The following PTTG1IP2 variants were observed in gnomAD, a reference collection of about 807,000 sequenced individuals.
PTTG1IP2 encodes PTTG1IP family member 2.
At chr7:90,472,788 C>G (rs946009542) in intron 1 of PTTG1IP2, among the ~76,000 whole-genome samples, 4 of 152,192 alleles carry the variant, frequency 2.6e-5, no homozygotes, top group Non-Finnish European at 5.9e-5. Context: ...AGAGTGATTT[C>G]TATTTTCCTG....
chr7:90,470,963 C>CAAAAAAAAAAAAAAAAAAAAAAAAA (rs5885726), intron 1 of PTTG1IP2, among the ~76,000 whole-genome samples: 1 of 108,112 alleles, frequency 9.2e-6, no homozygotes, highest in Non-Finnish European at 2.0e-5. Flanking sequence ...TGATGAAGAA[C>CAAAAAAAAAAAAAAAAAAAAAAAAA]AAAAAAAAAA....
At chr7:90,475,795 C>T (rs951544335) in intron 1 of PTTG1IP2, among the ~76,000 whole-genome samples, 22 of 151,924 alleles carry the variant, frequency 1.4e-4, no homozygotes, top group African/African-American at 4.8e-4. Flanking sequence ...CCCATCTCTA[C>T]TAAAAATATA....
intron 6 of PTTG1IP2, among the ~76,000 whole-genome samples, chr7:90,508,708 G>A (rs1798153328): frequency 1.3e-5 from 2 of 152,170 alleles, no homozygotes; most frequent in South Asian, 4.1e-4. Flanking sequence ...ATCCCTTGAG[G>A]TAAATCCTAA....
intron 2 of PTTG1IP2, among the ~76,000 whole-genome samples, chr7:90,486,951 T>C (rs1797881700): frequency 6.6e-6 from 1 of 152,174 alleles, no homozygotes; most frequent in Admixed American, 6.5e-5. Context: ...GCCTGAATCA[T>C]GGGCAGCCCT....
At chr7:90,470,930 G>A (rs17874791) in intron 1 of PTTG1IP2, among the ~76,000 whole-genome samples, 2,354 of 140,232 alleles carry the variant, frequency 0.017, 42 homozygotes, top group Middle Eastern at 0.028. Context: ...AATTTTTCAC[G>A]TCTTAAGACT....
chr7:90,498,026 C>T (rs1050915301), intron 6 of PTTG1IP2, among the ~76,000 whole-genome samples: 1 of 150,408 alleles, frequency 6.6e-6, no homozygotes, highest in Non-Finnish European at 1.5e-5. Flanking sequence ...GATGAATGAA[C>T]CCCCCCTTTT....
chr7:90,470,569 G>A (rs754019910), intron 1 of PTTG1IP2, among the ~76,000 whole-genome samples: 7 of 152,298 alleles, frequency 4.6e-5, no homozygotes, highest in Middle Eastern at 6.8e-3. Context: ...AATAATTACT[G>A]CTGTCTGGTT....
intron 4 of PTTG1IP2, among the ~76,000 whole-genome samples, chr7:90,489,445 T>G (rs575589857): frequency 6.6e-6 from 1 of 151,986 alleles, no homozygotes; most frequent in Non-Finnish European, 1.5e-5. Context: ...CTAATATTTC[T>G]CCTGTTGACT....
intron 1 of PTTG1IP2, among the ~76,000 whole-genome samples, chr7:90,475,590 A>T (rs1381795325): frequency 6.6e-6 from 1 of 152,252 alleles, no homozygotes; most frequent in Non-Finnish European, 1.5e-5. Flanking sequence ...ACAAGAGTTC[A>T]TGCCAACATT....
At chr7:90,489,453 A>G (rs1797914654) in intron 4 of PTTG1IP2, among the ~76,000 whole-genome samples, 1 of 151,476 alleles carries the variant, frequency 6.6e-6, no homozygotes, top group African/African-American at 2.4e-5. Flanking sequence ...TCTCCTGTTG[A>G]CTTTGAGTAA....
At chr7:90,497,712 GTA>G (rs1491095018) in intron 6 of PTTG1IP2, among the ~76,000 whole-genome samples, 5,880 of 18,850 alleles carry the variant, frequency 0.31, 1,464 homozygotes, top group South Asian at 0.46. Flanking sequence ...GAAAGACCCT[GTA>G]TAAAAAAAAA....
In PTTG1IP2 at chr7:90,488,904, T is replaced by C. The variant is rs1390396649; in HGVS notation, c.320T>C (p.Ile107Thr). Residue 107 changes from isoleucine to threonine, a missense_variant, in exon 4 of 7, where the codon ATT becomes ACT. By Grantham distance (89) the Ile-to-Thr change is moderately conservative (BLOSUM62 -1). Coordinates refer to ENST00000509356, the MANE Select transcript of PTTG1IP2 (RefSeq NM_001365443.2). ...TTTGGAATCATGATGCTTCTACTCATTGCAGTATTAATTACAGGATTCGTT... is the reference window on the plus strand; with the variant it reads ...TTTGGAATCATGATGCTTCTACTCACTGCAGTATTAATTACAGGATTCGTT... Reference protein sequence around the residue: ...DMFGIMMLLLIAVLITGFVWY... With the variant: ...DMFGIMMLLLTAVLITGFVWY... 1.3e-5 allele frequency: 2 copies of C among 151,978 alleles called. No individual in the cohort carries two copies. The highest frequency in any genetic ancestry group is 2.9e-5 in the Non-Finnish European group (2 of 67,844). The allele number at this position is 151,978 out of a possible 1,614,324, so 9.4% of individuals were successfully genotyped here.
chr7:90,484,319 A>G (rs1797844794), intron 2 of PTTG1IP2, among the ~76,000 whole-genome samples: 1 of 152,118 alleles, frequency 6.6e-6, no homozygotes, highest in Non-Finnish European at 1.5e-5. Context: ...ATTATTATGT[A>G]TCTTCCCACT....
chr7:90,471,711 T>G (rs1301017493), intron 1 of PTTG1IP2, among the ~76,000 whole-genome samples: 2 of 152,216 alleles, frequency 1.3e-5, no homozygotes, highest in Non-Finnish European at 2.9e-5. Context: ...TTTTTATTAA[T>G]TCTCCCAAAT....
At chr7:90,505,469 G>A (rs531168007) in intron 6 of PTTG1IP2, among the ~76,000 whole-genome samples, 1 of 152,136 alleles carries the variant, frequency 6.6e-6, no homozygotes. Context: ...GCTGTCTTTT[G>A]GTAAATATAT....
intron 4 of PTTG1IP2, among the ~76,000 whole-genome samples, chr7:90,489,546 T>C (rs1395527863): frequency 6.6e-6 from 1 of 151,880 alleles, no homozygotes; most frequent in African/African-American, 2.4e-5. Context: ...TTATCCTCTC[T>C]TTCCTCTATC....
Position 90,475,051 on chromosome 7 carries a change from C to T in PTTG1IP2, c.146-4177C>T, listed in dbSNP as rs561245394. ...CTCATAGCACAGCCAACAGCAGGAA[C>T]GTCAGTATGGCAGCACCAAATCTCC... is the stretch of plus-strand genomic sequence containing the variant. On this transcript the variant is annotated intron_variant, in intron 1 of 6. Transcript: ENST00000509356. Among the ~76,000 whole-genome samples, 10 of 152,256 alleles carry T rather than the reference C, an allele frequency of 6.6e-5. No individual in the cohort carries two copies. In the East Asian group the frequency reaches 7.7e-4, roughly 12 times the overall value.
intron 2 of PTTG1IP2, among the ~76,000 whole-genome samples, chr7:90,480,677 C>A (rs952660666): frequency 2.0e-5 from 3 of 152,012 alleles, no homozygotes; most frequent in African/African-American, 7.2e-5. Flanking sequence ...CACCAGGCAC[C>A]CAGAAAATAA....
At chr7:90,470,142 G>A (rs1369182785) in intron 1 of PTTG1IP2, 1 of 152,236 alleles carries the variant, frequency 6.6e-6, no homozygotes, top group Non-Finnish European at 1.5e-5. Context: ...ATGAAAGGTA[G>A]ATTCAAAGTT....
Sources: allele counts gnomAD v4.1 joint callset (sites outside exome capture counted in the v4.1 genomes callset), GRCh38; gene constraint gnomAD v4.1.1; transcripts MANE v1.5; gene names NCBI Gene and HGNC (gene_info 2026-07-23, HGNC 2026-07-21).